The following ZFHX4 variants were observed in gnomAD, a reference collection of about 807,000 sequenced individuals.
ZFHX4 encodes the protein zinc finger homeobox protein 4.
In ZFHX4, 56 loss-of-function variants were observed where a neutral mutation model predicts 267.6. The observed-to-expected ratio is 0.21, with a 90% CI of 0.17 to 0.26. The LOEUF is 0.26. Among genes scored for constraint, ZFHX4 ranks in the 10% least tolerant of loss-of-function variants. ZFHX4 has a pLI of 1.00. For missense variants in ZFHX4, 4,332 were observed against 4,420.0 expected, an observed-to-expected ratio of 0.98 and a Z score of 0.56; for synonymous variants, 1,778 against 1,665.6, an observed-to-expected ratio of 1.07 and a Z score of -1.64.
rs1280704669 is a variant in ZFHX4, at chr8:76,705,955, G to A, written c.1867G>A (p.Gly623Arg). 6.2e-7 allele frequency: 1 copy of A among 1,613,264 alleles called. No homozygotes were observed. Residue 623 changes from glycine (G) to arginine (R), a missense_variant, in exon 2 of 11, where the codon GGG (glycine) becomes AGG (arginine). Transcript: ENST00000651372. ...IECPKCDTVL[G>R]SSRSLGGHMT... ...GTGTCCAAAGTGCGACACTGTGTTG[G>A]GGTCTTCGAGGTCTCTTGGTGGTCA...
intron 3 of ZFHX4, among the ~76,000 whole-genome samples, chr8:76,712,508 G>A (rs555499201): frequency 2.2e-3 from 330 of 151,350 alleles, no homozygotes; most frequent in African/African-American, 7.6e-3. Context: ...TCAAATATAC[G>A]AGATATGTAC....
At chr8:76,803,789 T>A (rs1020467388) in intron 4 of ZFHX4, among the ~76,000 whole-genome samples, 37 of 152,110 alleles carry the variant, frequency 2.4e-4, no homozygotes, top group Admixed American at 1.9e-3. Context: ...CCTTATTATG[T>A]TACATTTAGT....
chr8:76,859,434 G>GT (rs1361804038), intron 10 of ZFHX4, among the ~76,000 whole-genome samples: 3 of 151,790 alleles, frequency 2.0e-5, no homozygotes, highest in Non-Finnish European at 4.4e-5. Flanking sequence ...GAATATCAAC[G>GT]TATGTTTATA....
chr8:76,795,911 C>T (rs912321814), intron 4 of ZFHX4, among the ~76,000 whole-genome samples: 2 of 152,052 alleles, frequency 1.3e-5, no homozygotes, highest in Non-Finnish European at 2.9e-5. Context: ...AAGGGCTATT[C>T]TAAGTACCAT....
At chr8:76,835,732 C>A (rs927835090) in intron 5 of ZFHX4, among the ~76,000 whole-genome samples, 1 of 152,002 alleles carries the variant, frequency 6.6e-6, no homozygotes, top group African/African-American at 2.4e-5. Context: ...CATTAATGAC[C>A]CAGCAGTGAT....
chr8:76,818,344 A>G (rs1308570988), intron 4 of ZFHX4, among the ~76,000 whole-genome samples: 1 of 152,228 alleles, frequency 6.6e-6, no homozygotes, highest in African/African-American at 2.4e-5. Flanking sequence ...AGAAGCAAGA[A>G]ACTATACTAA....
At position 76,858,461 on chromosome 8, in the gene ZFHX4, G is replaced by C. The variant is rs190501401; in HGVS notation, c.9379+2161G>C. ...ACTGGGGAGTGTTATAAAGAGAAAA[G>C]CTCCATGAACATTGCTACCTACTGA... On this transcript the variant is annotated intron_variant, in intron 10 of 10. Transcript: ENST00000651372. Among the ~76,000 whole-genome samples, 822 of 152,254 alleles carry C rather than the reference G, an allele frequency of 5.4e-3. 9 individuals carry two copies. Among genetic ancestry groups the C allele is most frequent in the African/African-American group, 0.019 (785 of 41,560 alleles).
Position 76,736,763 on chromosome 8 carries a change from G to A in ZFHX4, c.3093+28715G>A, listed in dbSNP as rs567210115. Among the ~76,000 whole-genome samples, 7 of 152,224 alleles carry A rather than the reference G, an allele frequency of 4.6e-5. No homozygotes were observed. In the South Asian group the frequency reaches 1.4e-3, roughly 32 times the overall value. ...TTGAGCAGCTTGTCATGAATTAATG[G>A]TTGCTTATATTGCAAAAATGCAGGT... On this transcript the variant is annotated intron_variant, in intron 3 of 10. Transcript: ENST00000651372.
chr8:76,812,826 C>T (rs900344514), intron 4 of ZFHX4, among the ~76,000 whole-genome samples: 7 of 151,974 alleles, frequency 4.6e-5, no homozygotes, highest in Admixed American at 3.9e-4. Context: ...TTTACAATTG[C>T]AGGTAAAATT....
chr8:76,773,975 G>T (rs1204495773), intron 3 of ZFHX4, among the ~76,000 whole-genome samples: 1 of 152,080 alleles, frequency 6.6e-6, no homozygotes, highest in East Asian at 1.9e-4. Context: ...TAAGAATTCT[G>T]TCCTCCTTTC....
chr8:76,862,236 T>A (rs961287498), intron 10 of ZFHX4, among the ~76,000 whole-genome samples: 9 of 152,138 alleles, frequency 5.9e-5, no homozygotes, highest in Admixed American at 1.3e-4. Flanking sequence ...CCTCTAGGAG[T>A]TATGCTGTAC....
chr8:76,767,270 A>G (rs1810076909), intron 3 of ZFHX4, among the ~76,000 whole-genome samples: 1 of 152,168 alleles, frequency 6.6e-6, no homozygotes, highest in African/African-American at 2.4e-5. Flanking sequence ...ACCACCTTGC[A>G]TTTATTCAAT....
At chr8:76,856,742 GT>G (rs1291067133) in intron 10 of ZFHX4, among the ~76,000 whole-genome samples, 1 of 151,920 alleles carries the variant, frequency 6.6e-6, no homozygotes, top group Non-Finnish European at 1.5e-5. Flanking sequence ...GTTTTTGTTT[GT>G]CCCCCCCGCC....
In ZFHX4 at chr8:76,849,547, G is replaced by A. The variant is rs1301414151; in HGVS notation, c.3681G>A (p.Arg1227=). Residue 1227 remains arginine (R), a synonymous_variant, in exon 8 of 11, where the codon AGG becomes AGA. Coordinates refer to ENST00000651372, the MANE Select transcript of ZFHX4 (RefSeq NM_024721.5). ...GTCCTTATTGTAACTACAATAGTAG[G>A]GACCAAAGTCGTATCCAGATGCACG... ...YQCPYCNYNS[R]DQSRIQMHVL... is the part of the protein sequence containing the mutation. 1 of 1,613,702 alleles carries A rather than the reference G, an allele frequency of 6.2e-7. No individual in the cohort carries two copies. The highest frequency in any genetic ancestry group is 8.5e-7 in the Non-Finnish European group (1 of 1,179,848).
At chr8:76,737,365 C>A (rs184949038) in intron 3 of ZFHX4, among the ~76,000 whole-genome samples, 73 of 152,274 alleles carry the variant, frequency 4.8e-4, no homozygotes, top group African/African-American at 1.7e-3. Flanking sequence ...GGCCATAAGA[C>A]ATTTTATTCT....
chr8:76,841,485 G>T (rs1053735952), intron 5 of ZFHX4, among the ~76,000 whole-genome samples: 2 of 152,076 alleles, frequency 1.3e-5, no homozygotes, highest in African/African-American at 4.8e-5. Context: ...CACTTAAAAT[G>T]TCCATAGCAG....
chr8:76,836,128 A>G (rs188659052), intron 5 of ZFHX4, among the ~76,000 whole-genome samples: 62 of 152,312 alleles, frequency 4.1e-4, no homozygotes, highest in Non-Finnish European at 6.9e-4. Context: ...TATTGTGAAT[A>G]AGACAGATGA....
Position 76,854,673 on chromosome 8 carries a change from T to G in ZFHX4, c.7752T>G (p.Asp2584Glu), listed in dbSNP as rs1237891491. The change falls in exon 10 of 11, where the codon GAT becomes GAG. Residue 2584 changes from aspartate (D) to glutamate (E), a missense_variant. Around this residue, in one of 7 missense-constraint regions of ZFHX4, gnomAD observed 1,648 missense variants for 1,625.0 expected, o/e 1.01. Transcript: ENST00000651372. ...VAASLKRKLD[D>E]KEDNNCSEKE... ...CTTCCCTAAAAAGGAAACTAGACGA[T>G]AAAGAAGATAATAATTGCAGTGAAA... 3 of 1,612,924 alleles carry G rather than the reference T, an allele frequency of 1.9e-6. No individual in the cohort carries two copies. The African/African-American group carries it at 4.0e-5, about 22-fold the overall frequency.
intron 4 of ZFHX4, 115 bp downstream of exon 4, chr8:76,778,554 C>T: frequency 1.2e-6 from 1 of 869,034 alleles, no homozygotes; most frequent in Non-Finnish European, 1.9e-6. Context: ...GAGCCTGTCC[C>T]CCAGTGTAAA....
Sources: allele counts gnomAD v4.1 joint callset (sites outside exome capture counted in the v4.1 genomes callset), GRCh38; gene constraint gnomAD v4.1.1; regional missense constraint gnomAD v4.1.1; transcripts MANE v1.5; gene names NCBI Gene and HGNC (gene_info 2026-07-23, HGNC 2026-07-21).